SNRPA: variants seen among roughly 807,000 people sequenced by gnomAD.
The protein encoded by SNRPA is small nuclear ribonucleoprotein polypeptide A.
Under a neutral mutation model 24.5 loss-of-function variants are expected in SNRPA, and 10 were observed. That is an observed-to-expected ratio of 0.41 (90% CI 0.25 to 0.69). SNRPA has a LOEUF of 0.69. Ranked by LOEUF, SNRPA falls within the 30% of genes least tolerant of loss-of-function variation. SNRPA has a pLI of 0.33. For missense variants in SNRPA, 283 were observed against 394.7 expected (o/e 0.72, Z 2.40); for synonymous variants, 165 against 148.4 (o/e 1.11, Z -0.81).
intron 4 of SNRPA, 176 bp from the exon 5 acceptor site, chr19:40,763,411 T>A: frequency 1.5e-6 from 1 of 649,840 alleles, no homozygotes; most frequent in Middle Eastern, 2.6e-4. Flanking sequence ...TGGCCTATAG[T>A]CTGTAGGGGC....
chr19:40,751,386 G>A lies in SNRPA; in HGVS notation c.-23G>A, dbSNP rs1436855211. On this transcript the variant is annotated 5_prime_UTR_variant, in exon 1 of 6. Transcript: ENST00000243563. ...TAAAGTCACGTTTTTCCTCCTTTAA[G>A]ACTTACCTCAACACTTCACTCCATG... 10 of 1,592,240 alleles carry A rather than the reference G, an allele frequency of 6.3e-6. No homozygotes were observed. The African/African-American group carries it at 1.2e-4, about 19-fold the overall frequency.
chr19:40,763,619 C>T lies in SNRPA; in HGVS notation c.633C>T (p.Phe211=), dbSNP rs780556398. ...LSENPPNHIL[F]LTNLPEETNE... ...AGAATCCACCGAATCACATCTTGTTCCTCACCAACCTGCCAGAGGAGACCA... is the reference window on the plus strand; with the variant it reads ...AGAATCCACCGAATCACATCTTGTTTCTCACCAACCTGCCAGAGGAGACCA... The change falls in exon 5 of 6, where the codon TTC becomes TTT. Residue 211 remains phenylalanine (F), a synonymous_variant. Transcript: ENST00000243563. 8 of 1,613,982 alleles carry T rather than the reference C, an allele frequency of 5.0e-6. No homozygotes were observed. In the African/African-American group the frequency reaches 1.1e-4, roughly 22 times the overall value.
chr19:40,753,310 G>A (rs111705399), intron 1 of SNRPA, among the ~76,000 whole-genome samples: 67,695 of 144,148 alleles, frequency 0.47, 16,603 homozygotes, highest in Admixed American at 0.6. Context: ...AGCTGAGACC[G>A]CACCACTGTA....
chr19:40,759,287 T>G, intron 2 of SNRPA, 144 bp from the exon 3 acceptor site: 1 of 661,014 alleles, frequency 1.5e-6, no homozygotes, highest in Non-Finnish European at 2.5e-6. Context: ...TGGCCTCAAG[T>G]GATCTGCTCG....
rs746525368 is a variant in SNRPA at position 40,753,384 on chromosome 19, GTTTTTTTTTTTTTTTTT to G, written c.73+1917_73+1933del. Among the ~76,000 whole-genome samples the G allele has an allele frequency of 1.0e-4, 4 of 38,382 alleles. 1 individual carries two copies. The highest frequency in any genetic ancestry group is 9.8e-4 in the Admixed American group (2 of 2,040). The allele number at this position is 38,382 out of a possible 152,430, so 25.2% of individuals were successfully genotyped here. A position where few individuals can be genotyped will look rare whatever the true frequency, so the allele number is the denominator to read the frequency against. The stretch of plus-strand genomic sequence containing the variant: ...AATCAGGAGTGTAAATTTTGCATAT[GTTTTTTTTTTTTTTTTT>G]TTTTTTTTTTTTTGAGGCAGAGTTT... On this transcript the variant is annotated intron_variant, in intron 1 of 5. Transcript: ENST00000243563.
chr19:40,752,008 G>A (rs1442645145), intron 1 of SNRPA, among the ~76,000 whole-genome samples: 1 of 152,170 alleles, frequency 6.6e-6, no homozygotes, highest in Non-Finnish European at 1.5e-5. Context: ...CAATCTTGTA[G>A]GAAGAAGGCT....
chr19:40,764,031 C>T (rs1036462832), intron 5 of SNRPA, among the ~76,000 whole-genome samples: 1 of 152,198 alleles, frequency 6.6e-6, no homozygotes, highest in Non-Finnish European at 1.5e-5. Context: ...TTGGCTAAGA[C>T]TGGCAGAAGT....
At chr19:40,761,812 G>A (rs976891463) in intron 3 of SNRPA, among the ~76,000 whole-genome samples, 1 of 152,052 alleles carries the variant, frequency 6.6e-6, no homozygotes, top group African/African-American at 2.4e-5. Context: ...ATGTCTAAAT[G>A]ACCTTGGTGA....
At position 40,765,385 on chromosome 19, in the gene SNRPA, C is replaced by T; in HGVS notation, c.*218C>T. The stretch of plus-strand genomic sequence containing the variant: ...AGTGGCTTTTTGAGGTTTGGTTTTT[C>T]ACAATCATTTGTCTGTCTGATTTTC... On this transcript the variant is annotated 3_prime_UTR_variant, in exon 6 of 6. Transcript: ENST00000243563. The T allele has an allele frequency of 2.9e-6, 1 of 340,136 alleles. No individual in the cohort carries two copies. The highest frequency in any genetic ancestry group is 5.3e-6 in the Non-Finnish European group (1 of 187,764). 21.1% of individuals were successfully genotyped at this position (340,136 alleles called of 1,614,324 possible). A position where few individuals can be genotyped will look rare whatever the true frequency, so the allele number is the denominator to read the frequency against.
In SNRPA at chr19:40,756,790, G is replaced by C. The variant is rs559744903; in HGVS notation, c.74-542G>C. ...GGAAGAAATTTAGACGTCGTGGTCA[G>C]AGGTGGCAACATTTCCTCTGAGACT... On this transcript the variant is annotated intron_variant, in intron 1 of 5. Transcript: ENST00000243563. Among the ~76,000 whole-genome samples, 207 of 152,264 alleles carry C rather than the reference G, an allele frequency of 1.4e-3. 1 individual carries two copies. The highest frequency in any genetic ancestry group is 4.8e-3 in the African/African-American group (201 of 41,546).
Position 40,765,011 on chromosome 19 carries a change from C to T in SNRPA, c.693C>T (p.Phe231=). 1 of 1,561,150 alleles carries T rather than the reference C, an allele frequency of 6.4e-7. No individual in the cohort carries two copies. Among genetic ancestry groups the T allele is most frequent in the Non-Finnish European group, 8.7e-7 (1 of 1,155,972 alleles). The stretch of plus-strand genomic sequence containing the variant: ...GAGGTCTGTCGTTCTCTTTCAGGTT[C>T]CCTGGCTTCAAGGAGGTCCGTCTGG... The part of the protein sequence containing the change: ...ELMLSMLFNQ[F]PGFKEVRLVP... The change falls in exon 6 of 6, where the codon TTC becomes TTT. Residue 231 remains phenylalanine (F), a synonymous_variant. Coordinates refer to ENST00000243563, the MANE Select transcript of SNRPA (RefSeq NM_004596.5).
intron 1 of SNRPA, among the ~76,000 whole-genome samples, chr19:40,755,257 C>CTT (rs1004235207): frequency 0.017 from 1,380 of 82,464 alleles, 16 homozygotes; most frequent in African/African-American, 0.048. Flanking sequence ...TTTTTCTTTT[C>CTT]TTTTTTTTTT....
intron 1 of SNRPA, among the ~76,000 whole-genome samples, chr19:40,752,501 G>C (rs1331732183): frequency 6.8e-6 from 1 of 146,472 alleles, no homozygotes; most frequent in Non-Finnish European, 1.5e-5. Context: ...CCAACACTTT[G>C]GGAGGCTGAG....
intron 1 of SNRPA, among the ~76,000 whole-genome samples, chr19:40,752,974 C>G (rs1440299794): frequency 3.3e-5 from 5 of 152,156 alleles, no homozygotes; most frequent in Non-Finnish European, 7.3e-5. Context: ...TAAATGTTAG[C>G]TCTTATCACT....
chr19:40,759,510 A>G lies in SNRPA; in HGVS notation c.326A>G (p.Glu109Gly). ...GTFVERDRKR[E>G]KRKPKSQETP... ...TTCGTGGAGCGGGACCGCAAGCGGG[A>G]GAAGAGGAAGCCCAAGAGCCAGGAG... The change falls in exon 3 of 6, where the codon GAG (glutamate) becomes GGG (glycine). Residue 109 changes from glutamate (E) to glycine (G), a missense_variant. By Grantham distance (98) the Glu-to-Gly change is moderately conservative (BLOSUM62 -2). Transcript: ENST00000243563. The G allele has an allele frequency of 6.2e-7, 1 of 1,613,750 alleles. No homozygotes were observed.
intron 1 of SNRPA, among the ~76,000 whole-genome samples, chr19:40,755,372 G>T (rs576763055): frequency 4.7e-5 from 7 of 147,802 alleles, no homozygotes; most frequent in South Asian, 4.2e-4. Context: ...CTCCCAAAGT[G>T]CTGGAATTAT....
chr19:40,759,140 G>A (rs2082920508), intron 2 of SNRPA, among the ~76,000 whole-genome samples: 1 of 151,034 alleles, frequency 6.6e-6, no homozygotes, highest in East Asian at 2.0e-4. Flanking sequence ...GGGAGGCAGA[G>A]GTTGCAGTCA....
intron 1 of SNRPA, among the ~76,000 whole-genome samples, chr19:40,754,040 A>ATC (rs981582377): frequency 6.7e-6 from 1 of 148,830 alleles, no homozygotes; most frequent in African/African-American, 2.5e-5. Context: ...TGACCTCGTG[A>ATC]TCTGCCCACC....
At chr19:40,759,762 T>A in intron 3 of SNRPA, 152 bp downstream of exon 3, 1 of 653,090 alleles carries the variant, frequency 1.5e-6, no homozygotes, top group South Asian at 2.4e-5. Flanking sequence ...CTCTCTCTTT[T>A]GGGGGGTATT....
Sources: gnomAD v4.1 joint callset for allele counts (sites outside exome capture counted in the v4.1 genomes callset) on GRCh38, gnomAD v4.1.1 for gene constraint, MANE v1.5 for transcripts, NCBI Gene and HGNC (gene_info 2026-07-23, HGNC 2026-07-21) for gene names.